The following RGS8 variants were observed in gnomAD, a reference collection of about 807,000 sequenced individuals.
The protein encoded by RGS8 is regulator of G protein signaling 8.
A neutral mutation model predicts 21.7 loss-of-function variants in RGS8; 8 were observed. That is an observed-to-expected ratio of 0.37 (90% confidence interval 0.22 to 0.66). The LOEUF (loss-of-function observed/expected upper bound fraction) is 0.66. Among genes scored for constraint, RGS8 ranks in the 30% least tolerant of loss-of-function variants. The pLI is 0.59. For missense variants in RGS8, 157 were observed against 217.9 expected (o/e 0.72, Z 1.76); for synonymous variants, 80 against 83.6 (o/e 0.96, Z 0.24).
chr1:182,705,550 T>G, the RGS8 span, among the ~76,000 whole-genome samples: 3 of 135,590 alleles, frequency 2.2e-5, no homozygotes, highest in African/African-American at 5.7e-5. Context: ...TATAGCTACT[T>G]TATCTAGAAC....
At chr1:182,662,569 T>C (rs584101) in intron 5 of RGS8, among the ~76,000 whole-genome samples, 58,807 of 152,144 alleles carry the variant, frequency 0.39, 11,498 homozygotes, top group African/African-American at 0.41. Context: ...TCCAAAAGCA[T>C]GTTCCCCAAT....
At chr1:182,732,839 T>C in the RGS8 span, among the ~76,000 whole-genome samples, 1 of 152,222 alleles carries the variant, frequency 6.6e-6, no homozygotes, top group Admixed American at 6.5e-5. Flanking sequence ...TCAAGAGTCC[T>C]TCACCCTGGC....
At chr1:182,643,951 GCCC>G (rs1008860053), downstream of RGS8, 3 of 152,286 alleles carry the variant, frequency 2.0e-5, no homozygotes, top group African/African-American at 7.2e-5. Flanking sequence ...GCCTGCATAG[GCCC>G]AGGACTGAGC....
At chr1:182,714,266 A>G in the RGS8 span, 1 of 152,244 alleles carries the variant, frequency 6.6e-6, no homozygotes, top group Non-Finnish European at 1.5e-5. Flanking sequence ...ATTTATCATT[A>G]TAAATATATT....
chr1:182,678,572 C>T (rs1244989333), intron 1 of RGS8, among the ~76,000 whole-genome samples: 1 of 152,180 alleles, frequency 6.6e-6, no homozygotes, highest in Non-Finnish European at 1.5e-5. Context: ...AGCCAGGACT[C>T]CAACTCAGAG....
At chr1:182,708,692 G>A in the RGS8 span, among the ~76,000 whole-genome samples, 2 of 152,206 alleles carry the variant, frequency 1.3e-5, no homozygotes, top group African/African-American at 4.8e-5. Context: ...CTCAAACCCG[G>A]CCAAGAACAA....
At chr1:182,656,170 T>C (rs987903617) in intron 5 of RGS8, among the ~76,000 whole-genome samples, 3 of 152,204 alleles carry the variant, frequency 2.0e-5, no homozygotes, top group Non-Finnish European at 4.4e-5. Context: ...TACTTTGTAG[T>C]CGCTTGGCCA....
chr1:182,734,753 A>AT, the RGS8 span: 1 of 152,150 alleles, frequency 6.6e-6, no homozygotes, highest in African/African-American at 2.4e-5. Flanking sequence ...CACTGGGAGG[A>AT]TGTTGGGAGG....
intron 5 of RGS8, among the ~76,000 whole-genome samples, chr1:182,659,438 C>T (rs963786710): frequency 5.3e-5 from 8 of 152,212 alleles, no homozygotes; most frequent in African/African-American, 1.2e-4. Context: ...CGGTGGCTCA[C>T]GCCTATAGTC....
chr1:182,731,029 T>TCA, the RGS8 span, among the ~76,000 whole-genome samples: 1 of 152,186 alleles, frequency 6.6e-6, no homozygotes, highest in Non-Finnish European at 1.5e-5. Flanking sequence ...AGTGGCAGAT[T>TCA]TCTAAAGAAA....
intron 5 of RGS8, among the ~76,000 whole-genome samples, chr1:182,653,271 T>A: frequency 6.6e-6 from 1 of 152,168 alleles, no homozygotes; most frequent in East Asian, 1.9e-4. Flanking sequence ...TGAATGAGAC[T>A]GAATGAAGTG....
the RGS8 span, among the ~76,000 whole-genome samples, chr1:182,702,108 C>T: frequency 1.3e-5 from 2 of 152,184 alleles, no homozygotes; most frequent in Non-Finnish European, 2.9e-5. Context: ...ATAAATCATT[C>T]TGCTAAAAAG....
At chr1:182,709,366 T>TCA in the RGS8 span, among the ~76,000 whole-genome samples, 20 of 151,406 alleles carry the variant, frequency 1.3e-4, no homozygotes, top group South Asian at 6.3e-4. Flanking sequence ...GCTCTCTCTC[T>TCA]CACACACACA....
the RGS8 span, among the ~76,000 whole-genome samples, chr1:182,711,607 G>A: frequency 6.6e-6 from 1 of 152,166 alleles, no homozygotes; most frequent in Non-Finnish European, 1.5e-5. Context: ...TCAGTGGGCT[G>A]GGGTCAGCCA....
downstream of RGS8, chr1:182,645,165 G>A (rs1006556762): frequency 1.3e-5 from 2 of 152,178 alleles, no homozygotes; most frequent in South Asian, 2.1e-4. Flanking sequence ...CCCCTTAAAA[G>A]GAAAATGGTT....
the RGS8 span, among the ~76,000 whole-genome samples, chr1:182,691,260 A>C: frequency 6.6e-6 from 1 of 152,240 alleles, no homozygotes; most frequent in East Asian, 1.9e-4. Flanking sequence ...TCACTGATAC[A>C]TCATGGAGTA....
the RGS8 span, among the ~76,000 whole-genome samples, chr1:182,718,614 C>T: frequency 6.6e-6 from 1 of 152,138 alleles, no homozygotes; most frequent in African/African-American, 2.4e-5. Context: ...GCAGACTCCA[C>T]ATAACAGCTG....
intron 5 of RGS8, among the ~76,000 whole-genome samples, chr1:182,662,860 A>G (rs1404540484): frequency 6.6e-6 from 1 of 152,164 alleles, no homozygotes; most frequent in Non-Finnish European, 1.5e-5. Context: ...TTTGCACACC[A>G]TGAGCACTTG....
chr1:182,717,375 CT>C, the RGS8 span, among the ~76,000 whole-genome samples: 2 of 152,176 alleles, frequency 1.3e-5, no homozygotes, highest in Non-Finnish European at 2.9e-5. Context: ...AAGAGTCAGA[CT>C]CATTTTTCTT....
Sources: allele counts gnomAD v4.1 joint callset (sites outside exome capture counted in the v4.1 genomes callset), GRCh38; gene constraint gnomAD v4.1.1; transcripts MANE v1.5; gene names NCBI Gene and HGNC (gene_info 2026-07-23, HGNC 2026-07-21).